Variants in SPSB4 observed in about 807,000 individuals in gnomAD.
SPSB4 encodes the protein SPRY domain-containing SOCS box protein 4.
Under a neutral mutation model 20.9 loss-of-function variants are expected in SPSB4, and 21 were observed. The ratio of observed to expected loss-of-function variants is 1.01; its 90% CI spans 0.71 to 1.45. SPSB4 has a LOEUF of 1.45. SPSB4 is among the 40% of genes most tolerant of loss of function. The pLI, the probability that SPSB4 is intolerant of heterozygous loss-of-function variation, is 0.00. For missense variants in SPSB4, 399 were observed against 399.2 expected (o/e 1.00, Z 0.00); for synonymous variants, 207 against 183.8 (o/e 1.13, Z -1.02).
At chr3:141,090,898 A>G (rs981726066) in intron 2 of SPSB4, among the ~76,000 whole-genome samples, 40 of 152,236 alleles carry the variant, frequency 2.6e-4, no homozygotes, top group African/African-American at 8.4e-4. Context: ...TCGGGATGGC[A>G]GCAGTGAAGA....
chr3:141,105,135 T>C (rs1938668439), intron 2 of SPSB4, among the ~76,000 whole-genome samples: 1 of 152,168 alleles, frequency 6.6e-6, no homozygotes, highest in Non-Finnish European at 1.5e-5. Context: ...TTTTCACAGG[T>C]GAGGCCAGAA....
intron 2 of SPSB4, among the ~76,000 whole-genome samples, chr3:141,128,550 C>A (rs1939085630): frequency 6.6e-6 from 1 of 152,084 alleles, no homozygotes; most frequent in African/African-American, 2.4e-5. Context: ...TGCCTCCAGG[C>A]CTGAGTGAGC....
At chr3:141,127,010 C>T (rs1939059238) in intron 2 of SPSB4, among the ~76,000 whole-genome samples, 1 of 152,250 alleles carries the variant, frequency 6.6e-6, no homozygotes, top group Admixed American at 6.5e-5. Flanking sequence ...CCAACCCAAA[C>T]ACACAGAGGT....
intron 2 of SPSB4, among the ~76,000 whole-genome samples, chr3:141,074,789 T>A (rs1938074142): frequency 6.6e-6 from 1 of 152,198 alleles, no homozygotes; most frequent in Admixed American, 6.5e-5. Context: ...AGGGCCGGCG[T>A]CCACCTCTGC....
Position 141,148,547 on chromosome 3 carries a change from C to G in SPSB4, c.*1278C>G, listed in dbSNP as rs558405423. On this transcript the variant is annotated 3_prime_UTR_variant, in exon 3 of 3. Coordinates refer to ENST00000310546, the MANE Select transcript of SPSB4 (RefSeq NM_080862.3). The surrounding 1 kb of genome is among the most constrained non-coding windows in gnomAD (Gnocchi z 4.5). ...CTTCCTCCCCACCCCACTGCCCCCACCTTAATGTGAATTTGACTGATGAAT... is the reference window on the plus strand; with the variant it reads ...CTTCCTCCCCACCCCACTGCCCCCAGCTTAATGTGAATTTGACTGATGAAT... 34 of 152,810 alleles carry G rather than the reference C, an allele frequency of 2.2e-4. No homozygotes were observed. Among genetic ancestry groups the G allele is most frequent in the African/African-American group, 8.2e-4 (34 of 41,558 alleles). 9.5% of individuals were successfully genotyped at this position (152,810 alleles called of 1,614,324 possible).
At chr3:141,080,997 C>T (rs1424260392) in intron 2 of SPSB4, among the ~76,000 whole-genome samples, 5 of 152,174 alleles carry the variant, frequency 3.3e-5, no homozygotes, top group Non-Finnish European at 7.4e-5. Flanking sequence ...TCTCTTTGTG[C>T]CTCAGTTTCT....
intron 2 of SPSB4, among the ~76,000 whole-genome samples, chr3:141,144,112 G>T (rs1576545964): frequency 2.0e-5 from 3 of 152,166 alleles, no homozygotes; most frequent in Non-Finnish European, 4.4e-5. Context: ...TCTGAATTTT[G>T]GCTAAATATT....
intron 2 of SPSB4, among the ~76,000 whole-genome samples, chr3:141,089,776 G>A (rs1938415479): frequency 6.6e-6 from 1 of 152,186 alleles, no homozygotes. Context: ...AGTTATCTTT[G>A]CAAAACCAAT....
chr3:141,081,961 G>C (rs1938241262), intron 2 of SPSB4, among the ~76,000 whole-genome samples: 1 of 152,078 alleles, frequency 6.6e-6, no homozygotes, highest in African/African-American at 2.4e-5. Flanking sequence ...TTTCTGATGG[G>C]GCTGTAGACC....
rs57674247 is a variant in SPSB4, at chr3:141,142,803, C to CTTTTT, written c.695-4312_695-4308dup. Among the ~76,000 whole-genome samples, 106 of 62,036 alleles carry CTTTTT rather than the reference C, an allele frequency of 1.7e-3. 14 individuals carry two copies. Among genetic ancestry groups the CTTTTT allele is most frequent in the Non-Finnish European group, 2.5e-3 (76 of 30,582 alleles). 40.7% of individuals were successfully genotyped at this position (62,036 alleles called of 152,430 possible). A position where few individuals can be genotyped will look rare whatever the true frequency, so the allele number is the denominator to read the frequency against. Reference sequence around the variant, plus strand: ...ATTATGATATAATGTCCCTCTTTGTCTTTTTTTTTTTTTTTTTTTTTTTTT... The same window carrying CTTTTT: ...ATTATGATATAATGTCCCTCTTTGTCTTTTTTTTTTTTTTTTTTTTTTTTTTTTTT... On this transcript the variant is annotated intron_variant, in intron 2 of 2. Transcript: ENST00000310546.
intron 2 of SPSB4, among the ~76,000 whole-genome samples, chr3:141,070,526 G>A (rs1177053655): frequency 6.6e-6 from 1 of 151,984 alleles, no homozygotes; most frequent in Non-Finnish European, 1.5e-5. Flanking sequence ...ACTGGCTCAG[G>A]AGGTAATGGC....
At chr3:141,103,136 G>A (rs1042873583) in intron 2 of SPSB4, among the ~76,000 whole-genome samples, 1 of 152,232 alleles carries the variant, frequency 6.6e-6, no homozygotes, top group African/African-American at 2.4e-5. Context: ...TGGCAAAGGG[G>A]CAGCCTCTGA....
chr3:141,137,520 A>C (rs1179787718), intron 2 of SPSB4, among the ~76,000 whole-genome samples: 1 of 152,214 alleles, frequency 6.6e-6, no homozygotes, highest in Non-Finnish European at 1.5e-5. Flanking sequence ...TCAATACCTA[A>C]TTTATTGAGA....
chr3:141,075,892 C>CAAAAAAAA (rs532646509), intron 2 of SPSB4, among the ~76,000 whole-genome samples: 532 of 68,800 alleles, frequency 7.7e-3, no homozygotes, highest in East Asian at 0.016. Flanking sequence ...ACTAAAAATA[C>CAAAAAAAA]AAAAAAAAAA....
At chr3:141,130,131 G>T (rs2107804227) in intron 2 of SPSB4, among the ~76,000 whole-genome samples, 2 of 152,340 alleles carry the variant, frequency 1.3e-5, no homozygotes, top group South Asian at 4.1e-4. Flanking sequence ...TATTTTAGAA[G>T]TAGCATTACT....
At chr3:141,105,665 G>A (rs1938676275) in intron 2 of SPSB4, among the ~76,000 whole-genome samples, 3 of 152,200 alleles carry the variant, frequency 2.0e-5, no homozygotes, top group Admixed American at 2.0e-4. Flanking sequence ...AGCCAGGCGG[G>A]TCTGACTTCA....
intron 2 of SPSB4, among the ~76,000 whole-genome samples, chr3:141,142,242 A>C (rs141405716): frequency 6.6e-6 from 1 of 152,166 alleles, no homozygotes; most frequent in African/African-American, 2.4e-5. Context: ...AAGTTGTGTC[A>C]CTATTATCGT....
chr3:141,134,163 T>C (rs576003877), intron 2 of SPSB4, among the ~76,000 whole-genome samples: 1 of 151,808 alleles, frequency 6.6e-6, no homozygotes, highest in Non-Finnish European at 1.5e-5. Context: ...TACATTGATT[T>C]TGTATACTGA....
chr3:141,138,694 G>A (rs1939271675), intron 2 of SPSB4, among the ~76,000 whole-genome samples: 1 of 152,200 alleles, frequency 6.6e-6, no homozygotes, highest in African/African-American at 2.4e-5. Context: ...ACTGTGGTCT[G>A]AGAGACAGTT....
Sources: allele counts gnomAD v4.1 joint callset (sites outside exome capture counted in the v4.1 genomes callset), GRCh38; gene constraint gnomAD v4.1.1; non-coding constraint Gnocchi (gnomAD v3.1); transcripts MANE v1.5; gene names NCBI Gene and HGNC (gene_info 2026-07-23, HGNC 2026-07-21).